Variants in SLC35F1 observed in about 807,000 individuals in gnomAD.
SLC35F1 encodes chromosome 6 open reading frame 169.
A neutral mutation model predicts 48.7 loss-of-function variants in SLC35F1; 14 were observed. The ratio of observed to expected loss-of-function variants is 0.29; its 90% CI spans 0.19 to 0.45. SLC35F1 has a LOEUF of 0.45. Among genes scored for constraint, SLC35F1 ranks in the 20% least tolerant of loss-of-function variants. SLC35F1 has a pLI of 1.00. For missense variants in SLC35F1, 404 were observed against 500.0 expected, an observed-to-expected ratio of 0.81 and a Z score of 1.83; for synonymous variants, 190 against 202.2, an observed-to-expected ratio of 0.94 and a Z score of 0.51.
chr6:118,110,569 C>A (rs946817442), intron 1 of SLC35F1, among the ~76,000 whole-genome samples: 1 of 152,146 alleles, frequency 6.6e-6, no homozygotes, highest in East Asian at 1.9e-4. Flanking sequence ...GATTGAGAGG[C>A]CTTTAAAGGA....
chr6:117,934,109 G>A (rs962500559), intron 1 of SLC35F1, among the ~76,000 whole-genome samples: 3 of 152,096 alleles, frequency 2.0e-5, no homozygotes, highest in Non-Finnish European at 2.9e-5. Flanking sequence ...GGTGATCTCC[G>A]AAATTTAAAC....
chr6:117,982,234 T>C, intron 1 of SLC35F1, among the ~76,000 whole-genome samples: 1 of 152,234 alleles, frequency 6.6e-6, no homozygotes, highest in Non-Finnish European at 1.5e-5. Flanking sequence ...TAATTTTGAC[T>C]CTAACTTTAC....
In SLC35F1 at chr6:118,315,974, G is replaced by T. The variant is rs946282883; in HGVS notation, c.*1722G>T. On this transcript the variant is annotated 3_prime_UTR_variant, in exon 8 of 8. Coordinates refer to ENST00000360388, the MANE Select transcript of SLC35F1 (RefSeq NM_001029858.4). Reference sequence around the variant, plus strand: ...AAAAGATCCTCAATGGAGTTACAGGGTTTATAGGGGAAAAATACATGTTTA... The same window carrying T: ...AAAAGATCCTCAATGGAGTTACAGGTTTTATAGGGGAAAAATACATGTTTA... 1.3e-5 allele frequency: 2 copies of T among 152,186 alleles called. No homozygotes were observed. The highest frequency in any genetic ancestry group is 3.9e-4 in the East Asian group (2 of 5,184). 9.4% of individuals were successfully genotyped at this position (152,186 alleles called of 1,614,324 possible).
chr6:118,075,834 A>C (rs1772809626), intron 1 of SLC35F1, among the ~76,000 whole-genome samples: 1 of 152,226 alleles, frequency 6.6e-6, no homozygotes, highest in African/African-American at 2.4e-5. Flanking sequence ...AATGAGTTGA[A>C]TCAGATGTTT....
chr6:118,163,606 C>A (rs1164204879), intron 2 of SLC35F1, among the ~76,000 whole-genome samples: 1 of 152,192 alleles, frequency 6.6e-6, no homozygotes, highest in Non-Finnish European at 1.5e-5. Context: ...TTCTGGAAAT[C>A]TTTAAGCATT....
At chr6:118,284,824 TA>T (rs1156763605) in intron 6 of SLC35F1, among the ~76,000 whole-genome samples, 2 of 151,792 alleles carry the variant, frequency 1.3e-5, no homozygotes, top group African/African-American at 2.4e-5. Context: ...AACTAAGAGG[TA>T]AAAAAAAGTT....
intron 1 of SLC35F1, among the ~76,000 whole-genome samples, chr6:118,150,740 G>A (rs973354947): frequency 6.6e-6 from 1 of 152,072 alleles, no homozygotes; most frequent in Non-Finnish European, 1.5e-5. Flanking sequence ...CCCAGTGATA[G>A]GATAAGCTAA....
chr6:118,119,498 C>CG (rs1554229001), intron 1 of SLC35F1, among the ~76,000 whole-genome samples: 1 of 69,804 alleles, frequency 1.4e-5, no homozygotes, highest in South Asian at 7.6e-4. Context: ...ACCGGCGCCC[C>CG]CCCTCCACCC....
At chr6:118,235,455 C>G in intron 2 of SLC35F1, 54 bp from the exon 3 acceptor site, 9 of 1,494,218 alleles carry the variant, frequency 6.0e-6, no homozygotes, top group Non-Finnish European at 8.2e-6. Context: ...TCTAAATGTA[C>G]AATTTATTCT....
rs77272805 is a variant in SLC35F1 at position 117,976,681 on chromosome 6, A to C, written c.173+68782A>C. Among the ~76,000 whole-genome samples, 12 of 152,334 alleles carry C rather than the reference A, an allele frequency of 7.9e-5. No homozygotes were observed. In the East Asian group the frequency reaches 2.3e-3, roughly 29 times the overall value. On this transcript the variant is annotated intron_variant, in intron 1 of 7. Coordinates refer to ENST00000360388, the MANE Select transcript of SLC35F1 (RefSeq NM_001029858.4). Reference sequence around the variant, plus strand: ...TGCTATTTTCCTTGCTATAATAAAAAAAAAGTTCTTTAGCTAAATCTAGTT... The same window carrying C: ...TGCTATTTTCCTTGCTATAATAAAACAAAAGTTCTTTAGCTAAATCTAGTT...
intron 1 of SLC35F1, among the ~76,000 whole-genome samples, chr6:118,002,393 C>T (rs4434501): frequency 0.61 from 92,168 of 150,852 alleles, 28,645 homozygotes; most frequent in East Asian, 0.82. Flanking sequence ...TAGGTGGGAA[C>T]TGAACAATGA....
intron 1 of SLC35F1, among the ~76,000 whole-genome samples, chr6:118,080,972 G>A (rs1772898720): frequency 6.6e-6 from 1 of 152,106 alleles, no homozygotes; most frequent in Admixed American, 6.5e-5. Flanking sequence ...AATATATTGT[G>A]TATATTGGTC....
At chr6:118,275,705 C>A in intron 5 of SLC35F1, 90 bp downstream of exon 5, 1 of 1,303,720 alleles carries the variant, frequency 7.7e-7, no homozygotes, top group Non-Finnish European at 1.1e-6. Context: ...AAAATCAAGG[C>A]TGGAATCCAG....
intron 1 of SLC35F1, among the ~76,000 whole-genome samples, chr6:118,036,995 T>C (rs1772143472): frequency 6.6e-6 from 1 of 152,334 alleles, no homozygotes; most frequent in South Asian, 2.1e-4. Context: ...GGGTCTATTA[T>C]CAAACACATG....
chr6:118,027,332 G>A (rs1157040627), intron 1 of SLC35F1, among the ~76,000 whole-genome samples: 4 of 152,024 alleles, frequency 2.6e-5, no homozygotes, highest in African/African-American at 9.7e-5. Context: ...GTGTCATATA[G>A]CAAATGTTTG....
chr6:118,179,157 C>T (rs1032583614), intron 2 of SLC35F1, among the ~76,000 whole-genome samples: 24 of 151,908 alleles, frequency 1.6e-4, no homozygotes, highest in African/African-American at 5.3e-4. Context: ...TCAGTGTTCT[C>T]CAGAGAAACA....
intron 2 of SLC35F1, among the ~76,000 whole-genome samples, chr6:118,230,788 A>T (rs1775282838): frequency 6.6e-6 from 1 of 152,038 alleles, no homozygotes; most frequent in Non-Finnish European, 1.5e-5. Context: ...GTTCAAGACC[A>T]CCTGGGCAAC....
At chr6:118,177,852 T>C (rs1328309770) in intron 2 of SLC35F1, among the ~76,000 whole-genome samples, 1 of 152,110 alleles carries the variant, frequency 6.6e-6, no homozygotes, top group African/African-American at 2.4e-5. Context: ...CAGGAATGTT[T>C]TCCATTGTAG....
intron 1 of SLC35F1, among the ~76,000 whole-genome samples, chr6:117,924,451 CCT>C (rs1465829503): frequency 1.0e-5 from 1 of 97,168 alleles, no homozygotes; most frequent in Non-Finnish European, 2.2e-5. Context: ...TATACACATA[CCT>C]ATATGTGTGT....
Sources: gnomAD v4.1 joint callset for allele counts (sites outside exome capture counted in the v4.1 genomes callset) on GRCh38, gnomAD v4.1.1 for gene constraint, MANE v1.5 for transcripts, NCBI Gene and HGNC (gene_info 2026-07-23, HGNC 2026-07-21) for gene names.